RNF212B: variants seen among roughly 807,000 people sequenced by gnomAD.
The protein encoded by RNF212B is ring finger protein 212B.
Under a neutral mutation model 55.5 loss-of-function variants are expected in RNF212B, and 52 were observed. The ratio of observed to expected loss-of-function variants is 0.94; its 90% CI spans 0.75 to 1.18. The LOEUF (loss-of-function observed/expected upper bound fraction) is 1.18. Ranked by LOEUF, RNF212B falls within the 50% of genes most tolerant of loss-of-function variation. RNF212B has a pLI of 0.00. For missense variants in RNF212B, 289 were observed against 350.4 expected (o/e 0.82, Z 1.40); for synonymous variants, 99 against 121.4 (o/e 0.82, Z 1.21).
rs1260152127 is a variant in RNF212B, at chr14:23,262,654, T to C, written c.435-11T>C. 34 of 1,549,696 alleles carry C rather than the reference T, an allele frequency of 2.2e-5. No individual in the cohort carries two copies. Among genetic ancestry groups the C allele is most frequent in the Non-Finnish European group, 2.5e-5 (29 of 1,146,754 alleles). ...AGAGATTAGAGCCGCCTCTTTTTTT[T>C]TCCCTTGCAGGTCAATCACACCTCG... On this transcript the variant is annotated splice_polypyrimidine_tract_variant and intron_variant, in intron 7 of 14. Transcript: ENST00000430154.
chr14:23,247,753 A>G (rs988087041), intron 4 of RNF212B, among the ~76,000 whole-genome samples: 12 of 152,208 alleles, frequency 7.9e-5, no homozygotes, highest in African/African-American at 2.9e-4. Context: ...AAGTTTTTAC[A>G]TGGACATATA....
intron 11 of RNF212B, among the ~76,000 whole-genome samples, chr14:23,266,575 C>T (rs930699094): frequency 1.3e-4 from 19 of 151,600 alleles, no homozygotes; most frequent in Non-Finnish European, 1.8e-4. Flanking sequence ...CCACCACACC[C>T]GGCTAATTTT....
intron 2 of RNF212B, among the ~76,000 whole-genome samples, chr14:23,194,750 A>AC (rs1359343137): frequency 1.3e-5 from 2 of 151,362 alleles, no homozygotes; most frequent in East Asian, 1.9e-4. Context: ...AAAAAAAAAA[A>AC]AAAAAAACAA....
chr14:23,191,056 T>C (rs1207592487), intron 1 of RNF212B, among the ~76,000 whole-genome samples: 1 of 152,116 alleles, frequency 6.6e-6, no homozygotes, highest in African/African-American at 2.4e-5. Context: ...GACCACCCAA[T>C]AGAAAGTCCA....
At chr14:23,256,233 A>T (rs1884821571) in intron 4 of RNF212B, among the ~76,000 whole-genome samples, 1 of 152,112 alleles carries the variant, frequency 6.6e-6, no homozygotes, top group East Asian at 1.9e-4. Context: ...CAAGGGTAGG[A>T]TTAGGATATT....
At chr14:23,228,462 C>CAAAAAAAAAAAA (rs776673043) in intron 2 of RNF212B, among the ~76,000 whole-genome samples, 3 of 76,100 alleles carry the variant, frequency 3.9e-5, no homozygotes, top group African/African-American at 5.5e-5. Flanking sequence ...CTATCTCTAC[C>CAAAAAAAAAAAA]AAAAAAAAAA....
intron 2 of RNF212B, among the ~76,000 whole-genome samples, chr14:23,229,220 T>TTATAAATATATA: frequency 1.5e-5 from 1 of 65,036 alleles, no homozygotes; most frequent in Non-Finnish European, 3.0e-5. Flanking sequence ...GAATAATATT[T>TTATAAATATATA]TATATATATA....
intron 2 of RNF212B, among the ~76,000 whole-genome samples, chr14:23,217,257 G>GGGC (rs928169856): frequency 1.5e-3 from 32 of 20,822 alleles, no homozygotes; most frequent in African/African-American, 4.4e-3. Flanking sequence ...GGCAGTGGTG[G>GGGC]GGGGGGGGCT....
At chr14:23,242,288 T>C (rs1463821155) in intron 2 of RNF212B, among the ~76,000 whole-genome samples, 1 of 152,114 alleles carries the variant, frequency 6.6e-6, no homozygotes, top group Admixed American at 6.6e-5. Context: ...CCGTGAAGCA[T>C]ATGCCATGTG....
chr14:23,230,902 C>A (rs1322546334), intron 2 of RNF212B, among the ~76,000 whole-genome samples: 2 of 152,088 alleles, frequency 1.3e-5, no homozygotes, highest in Admixed American at 1.3e-4. Flanking sequence ...GGTCTTGACA[C>A]CCTTGTCAAA....
At chr14:23,258,687 A>C in intron 5 of RNF212B, 23 bp downstream of exon 5, 1 of 1,059,232 alleles carries the variant, frequency 9.4e-7, no homozygotes, top group Non-Finnish European at 1.3e-6. Flanking sequence ...TCAAGTCCCA[A>C]GAGAGCTTTT....
chr14:23,213,756 T>TAGAGAGAGAGAAAGAGAGGC (rs1880798601), intron 2 of RNF212B, among the ~76,000 whole-genome samples: 1 of 151,116 alleles, frequency 6.6e-6, no homozygotes, highest in Non-Finnish European at 1.5e-5. Context: ...GGAAGAGAGG[T>TAGAGAGAGAGAAAGAGAGGC]AGAGAGAGAG....
chr14:23,196,155 A>G (rs1172311249), intron 2 of RNF212B, among the ~76,000 whole-genome samples: 1 of 152,200 alleles, frequency 6.6e-6, no homozygotes, highest in Non-Finnish European at 1.5e-5. Flanking sequence ...TTTACTCTGC[A>G]AATCAGAGCC....
rs568037864 is a variant in RNF212B at position 23,232,930 on chromosome 14, G to A, written c.-1-7415G>A. On this transcript the variant is annotated intron_variant, in intron 2 of 15. Transcript: ENST00000399910. ...GTGTACCCAACAGCTCATTGAGAAC[G>A]GGCCATGATGACGATGGTGGTTTTG... is the stretch of plus-strand genomic sequence containing the variant. 1.8e-4 allele frequency among the ~76,000 whole-genome samples: 27 copies of A among 152,214 alleles called. No homozygotes were observed. In the East Asian group the frequency reaches 4.3e-3, roughly 24 times the overall value.
chr14:23,225,081 C>CAAA (rs374813233), intron 2 of RNF212B, among the ~76,000 whole-genome samples: 1 of 146,268 alleles, frequency 6.8e-6, no homozygotes, highest in African/African-American at 2.5e-5. Flanking sequence ...CCACCCCACA[C>CAAA]AAAAAAAAAA....
upstream of RNF212B, among the ~76,000 whole-genome samples, chr14:23,236,575 C>A (rs1353618838): frequency 6.6e-6 from 1 of 152,078 alleles, no homozygotes; most frequent in Non-Finnish European, 1.5e-5. Context: ...AACAAACAAA[C>A]ACACATTTAA....
intron 2 of RNF212B, among the ~76,000 whole-genome samples, chr14:23,218,088 G>A (rs1022609280): frequency 6.6e-6 from 1 of 152,060 alleles, no homozygotes; most frequent in African/African-American, 2.4e-5. Context: ...AAAATTGCAG[G>A]CCAGGCGCTG....
intron 2 of RNF212B, among the ~76,000 whole-genome samples, chr14:23,220,831 C>CAAAAA (rs1440275648): frequency 6.7e-6 from 1 of 150,236 alleles, no homozygotes; most frequent in Non-Finnish European, 1.5e-5. Context: ...TCAAAAAAAA[C>CAAAAA]AAAACAAAAC....
chr14:23,230,544 C>T (rs577685321), intron 2 of RNF212B, among the ~76,000 whole-genome samples: 41 of 150,634 alleles, frequency 2.7e-4, no homozygotes, highest in African/African-American at 9.5e-4. Context: ...GTCCCAGCTA[C>T]TCGGGAAGCT....
Sources: allele counts gnomAD v4.1 joint callset (sites outside exome capture counted in the v4.1 genomes callset), GRCh38; gene constraint gnomAD v4.1.1; transcripts MANE v1.5; gene names NCBI Gene and HGNC (gene_info 2026-07-23, HGNC 2026-07-21).